SBNO1: variants seen among roughly 807,000 people sequenced by gnomAD.
The protein encoded by SBNO1 is strawberry notch homolog 1.
Under a neutral mutation model 173.6 loss-of-function variants are expected in SBNO1, and 23 were observed. That is an observed-to-expected ratio of 0.13 (90% CI 0.10 to 0.19). SBNO1 has a LOEUF of 0.19. Among genes scored for constraint, SBNO1 ranks in the 10% least tolerant of loss-of-function variants. The pLI, the probability that SBNO1 is intolerant of heterozygous loss-of-function variation, is 1.00. For missense variants in SBNO1, 1,238 were observed against 1,671.2 expected (o/e 0.74, Z 4.52); for synonymous variants, 632 against 571.5 (o/e 1.11, Z -1.51).
At chr12:123,318,344 G>A (rs1452514367) in intron 20 of SBNO1, among the ~76,000 whole-genome samples, 1 of 152,124 alleles carries the variant, frequency 6.6e-6, no homozygotes, top group Non-Finnish European at 1.5e-5. Context: ...GGAGGCTGAG[G>A]CAGAGAACTG....
intron 28 of SBNO1, among the ~76,000 whole-genome samples, chr12:123,309,026 TG>T (rs1423572589): frequency 1.3e-5 from 2 of 151,170 alleles, no homozygotes; most frequent in Non-Finnish European, 3.0e-5. Flanking sequence ...GCTGAGATCG[TG>T]CCATTGCACT....
At position 123,364,715 on chromosome 12, in the gene SBNO1, C is replaced by T. The variant is rs1249902624; in HGVS notation, c.-15G>A. On this transcript the variant is annotated 5_prime_UTR_variant, in exon 1 of 32. Coordinates refer to ENST00000602398, the MANE Select transcript of SBNO1 (RefSeq NM_001167856.3). ...GAAGGACTTACTTTCCCCGCGGGACCCGGCGCCAGCACAGCTCCTCCCGGG... is the reference window on the plus strand; with the variant it reads ...GAAGGACTTACTTTCCCCGCGGGACTCGGCGCCAGCACAGCTCCTCCCGGG... 1.0e-6 allele frequency: 1 copy of T among 985,816 alleles called. No individual in the cohort carries two copies. Among genetic ancestry groups the T allele is most frequent in the Non-Finnish European group, 1.2e-6 (1 of 830,102 alleles). 61.1% of individuals were successfully genotyped at this position (985,816 alleles called of 1,614,324 possible).
At chr12:123,297,667 C>A (rs1164520529) in intron 31 of SBNO1, among the ~76,000 whole-genome samples, 2 of 152,040 alleles carry the variant, frequency 1.3e-5, no homozygotes, top group African/African-American at 2.4e-5. Flanking sequence ...CAATGGAGAA[C>A]TCCTGGGCAA....
At chr12:123,309,883 C>A in intron 25 of SBNO1, 27 bp from the exon 26 acceptor site, 1 of 1,532,652 alleles carries the variant, frequency 6.5e-7, no homozygotes, top group East Asian at 2.3e-5. Flanking sequence ...TAAACGTTTT[C>A]ATGCAAATGA....
chr12:123,303,758 G>A (rs2048849225), intron 29 of SBNO1, among the ~76,000 whole-genome samples: 1 of 151,832 alleles, frequency 6.6e-6, no homozygotes, highest in South Asian at 2.1e-4. Context: ...CACTTTGGGA[G>A]GCAGAAGTGG....
chr12:123,320,938 T>A, intron 17 of SBNO1, 72 bp from the exon 18 acceptor site: 1 of 1,235,186 alleles, frequency 8.1e-7, no homozygotes, highest in Non-Finnish European at 1.1e-6. Context: ...GGAAACAACC[T>A]TTGAAATTTT....
Position 123,325,662 on chromosome 12 carries a change from T to C in SBNO1, c.1876-63A>G, listed in dbSNP as rs190172217. 5 of 1,053,740 alleles carry C rather than the reference T, an allele frequency of 4.7e-6. No individual in the cohort carries two copies. In the East Asian group the frequency reaches 9.5e-5, roughly 20 times the overall value. The allele number at this position is 1,053,740 out of a possible 1,614,324, so 65.3% of individuals were successfully genotyped here. ...ATGTTTGTGGCTTCTTACCAAGACA[T>C]ATTTTAAACATTTAGCTAAACAAAG... On this transcript the variant is annotated intron_variant, in intron 14 of 31. Coordinates refer to ENST00000602398, the MANE Select transcript of SBNO1 (RefSeq NM_001167856.3).
At chr12:123,332,968 G>GA (rs1871389340) in intron 7 of SBNO1, among the ~76,000 whole-genome samples, 1 of 152,022 alleles carries the variant, frequency 6.6e-6, no homozygotes, top group African/African-American at 2.4e-5. Flanking sequence ...ACTAAAAACA[G>GA]AAAAAATTAG....
chr12:123,355,029 CT>C (rs956002251), intron 1 of SBNO1, among the ~76,000 whole-genome samples: 2 of 150,714 alleles, frequency 1.3e-5, no homozygotes, highest in Admixed American at 6.6e-5. Context: ...GTTTCTTTTT[CT>C]TTTTTTTTGA....
chr12:123,305,599 G>C (rs1470162780), intron 28 of SBNO1, among the ~76,000 whole-genome samples: 1 of 151,884 alleles, frequency 6.6e-6, no homozygotes, highest in African/African-American at 2.4e-5. Context: ...TCAGCCTCCC[G>C]AGTAGCTGGG....
At chr12:123,317,461 C>T in intron 20 of SBNO1, 105 bp from the exon 21 acceptor site, 1 of 986,188 alleles carries the variant, frequency 1.0e-6, no homozygotes, top group Non-Finnish European at 1.5e-6. Flanking sequence ...CCTTCTTTCT[C>T]AATAATGAAG....
intron 25 of SBNO1, 99 bp downstream of exon 25, chr12:123,310,956 A>T: frequency 1.1e-6 from 1 of 898,172 alleles, no homozygotes; most frequent in Non-Finnish European, 1.8e-6. Context: ...AGAATGTTTT[A>T]AGAACATGAA....
chr12:123,304,913 T>G (rs2048877586), intron 28 of SBNO1, among the ~76,000 whole-genome samples, 194 bp from the exon 29 acceptor site: 1 of 152,224 alleles, frequency 6.6e-6, no homozygotes, highest in Non-Finnish European at 1.5e-5. Flanking sequence ...TATTGGACCT[T>G]AATTCTGGCT....
At chr12:123,320,388 G>T (rs779165957) in intron 19 of SBNO1, 44 bp downstream of exon 19, 13 of 1,533,618 alleles carry the variant, frequency 8.5e-6, no homozygotes, top group Non-Finnish European at 1.2e-5. Flanking sequence ...TTTTACAGGG[G>T]TTCAAATGGC....
intron 1 of SBNO1, among the ~76,000 whole-genome samples, chr12:123,362,157 T>C (rs28709002): frequency 1 from 149,981 of 150,430 alleles, 74,766 homozygotes; most frequent in East Asian, 1. Flanking sequence ...AAAGATTCTG[T>C]TGGGCGTGGT....
At chr12:123,362,755 C>G (rs1324967708) in intron 1 of SBNO1, among the ~76,000 whole-genome samples, 1 of 116,010 alleles carries the variant, frequency 8.6e-6, no homozygotes, top group Non-Finnish European at 1.7e-5. Flanking sequence ...GGCAACACAG[C>G]AAGACTCCGC....
intron 20 of SBNO1, among the ~76,000 whole-genome samples, chr12:123,319,644 A>T (rs536343749): frequency 6.6e-6 from 1 of 151,812 alleles, no homozygotes; most frequent in South Asian, 2.1e-4. Context: ...CCAGAGCTCA[A>T]GTGATCTGCC....
At chr12:123,324,187 A>G (rs1870330172) in intron 15 of SBNO1, among the ~76,000 whole-genome samples, 1 of 151,646 alleles carries the variant, frequency 6.6e-6, no homozygotes, top group Admixed American at 6.6e-5. Context: ...TACACATATA[A>G]TAACATCTCA....
intron 2 of SBNO1, among the ~76,000 whole-genome samples, chr12:123,348,812 T>C (rs1873531125): frequency 6.6e-6 from 1 of 151,332 alleles, no homozygotes; most frequent in Non-Finnish European, 1.5e-5. Flanking sequence ...ATAAAAACAT[T>C]AGCTGGGCTT....
Sources: gnomAD v4.1 joint callset for allele counts (sites outside exome capture counted in the v4.1 genomes callset) on GRCh38, gnomAD v4.1.1 for gene constraint, MANE v1.5 for transcripts, NCBI Gene and HGNC (gene_info 2026-07-23, HGNC 2026-07-21) for gene names.